Variants in HAP1 observed in about 807,000 individuals in gnomAD.
The protein encoded by HAP1 is huntingtin associated protein 1.
HAP1 carries 59 observed loss-of-function variants against 60.3 expected under a neutral mutation model. That is an observed-to-expected ratio of 0.98 (90% CI 0.79 to 1.22). The LOEUF is 1.22. Among genes scored for constraint, HAP1 ranks in the 50% most tolerant of loss-of-function variants. The pLI, the probability that HAP1 is intolerant of heterozygous loss-of-function variation, is 0.00. For synonymous variants in HAP1, 346 were observed against 330.6 expected, an observed-to-expected ratio of 1.05 and a Z score of -0.50; for missense variants, 825 against 785.3, an observed-to-expected ratio of 1.05 and a Z score of -0.60.
intron 6 of HAP1, among the ~76,000 whole-genome samples, chr17:41,729,588 G>GGT (rs1202196383): frequency 3.1e-5 from 4 of 127,066 alleles, no homozygotes; most frequent in Non-Finnish European, 7.0e-5. Flanking sequence ...AAGGAAATGC[G>GGT]GTCTTGGCCG....
chr17:41,731,939 C>T lies in HAP1; in HGVS notation c.894G>A (p.Lys298=). Residue 298 remains lysine (K), a splice_region_variant and synonymous_variant, in exon 4 of 11, where the codon AAG becomes AAA. Coordinates refer to ENST00000347901, the MANE Select transcript of HAP1 (RefSeq NM_177977.3). The part of the protein sequence containing the change: ...LQCAHPCDAP[K]LISQEALLHQ... The stretch of plus-strand genomic sequence containing the variant: ...CAGGTGCAAAGGCAGGAACTCACAG[C>T]TTAGGGGCATCACAGGGATGAGCAC... The T allele has an allele frequency of 1.1e-6, 1 of 890,924 alleles. No homozygotes were observed. The highest frequency in any genetic ancestry group is 1.8e-6 in the Non-Finnish European group (1 of 542,452). 55.2% of individuals were successfully genotyped at this position (890,924 alleles called of 1,614,324 possible).
chr17:41,733,881 G>A (rs1912471607), intron 1 of HAP1, among the ~76,000 whole-genome samples: 1 of 151,960 alleles, frequency 6.6e-6, no homozygotes, highest in South Asian at 2.1e-4. Context: ...ACCCAGGAGA[G>A]GGGCGCTGAA....
At chr17:41,725,239 G>T in intron 10 of HAP1, 85 bp from the exon 11 acceptor site, 1 of 1,102,526 alleles carries the variant, frequency 9.1e-7, no homozygotes, top group Non-Finnish European at 1.3e-6. Flanking sequence ...CACAGATCCT[G>T]ATGGTTCCTC....
intron 7 of HAP1, 58 bp from the exon 8 acceptor site, chr17:41,727,894 C>CAGA (rs1567781790): frequency 9.4e-7 from 1 of 1,061,974 alleles, no homozygotes; most frequent in Non-Finnish European, 1.4e-6. Context: ...CAGGGCACCC[C>CAGA]CTGCTTCCAG....
chr17:41,731,737 C>A lies in HAP1; in HGVS notation c.903G>T (p.Ser301=), dbSNP rs781896860. 2 of 1,612,076 alleles carry A rather than the reference C, an allele frequency of 1.2e-6. No homozygotes were observed. Among genetic ancestry groups the A allele is most frequent in the African/African-American group, 1.3e-5 (1 of 75,024 alleles). Residue 301 remains serine (S), a synonymous_variant, in exon 5 of 11, where the codon TCG becomes TCT. Coordinates refer to ENST00000347901, the MANE Select transcript of HAP1 (RefSeq NM_177977.3). ...AHPCDAPKLI[S]QEALLHQHHC... is the part of the protein sequence containing the mutation. ...GGTGCTGGTGCAGCAATGCCTCCTG[C>A]GAAATCCTAGGGGAGGGAGGAATGG...
chr17:41,734,570 G>GCTGCTGGGGAGCCGGCTC lies in HAP1; in HGVS notation c.64_65insGAGCCGGCTCCCCAGCAG (p.Ala21_Ala22insGlyAlaGlySerProAla), dbSNP rs1382811032. The stretch of plus-strand genomic sequence containing the variant: ...TGAGGGCGAAGGTGCACAGGTGAGT[G>GCTGCTGGGGAGCCGGCTC]CTGCTGGGTCCCCGGGTCCGAGCCG... On this transcript the variant is annotated inframe_insertion, in exon 1 of 11. Coordinates refer to ENST00000347901, the MANE Select transcript of HAP1 (RefSeq NM_177977.3). 6.3e-7 allele frequency: 1 copy of GCTGCTGGGGAGCCGGCTC among 1,599,790 alleles called. No individual in the cohort carries two copies. The highest frequency in any genetic ancestry group is 8.5e-7 in the Non-Finnish European group (1 of 1,174,278).
At chr17:41,727,611 T>C (rs1199289322) in intron 8 of HAP1, 151 bp downstream of exon 8, 8 of 655,186 alleles carry the variant, frequency 1.2e-5, no homozygotes, top group Non-Finnish European at 2.2e-5. Flanking sequence ...TGTCACCTGC[T>C]GGGCTGTGCC....
At chr17:41,727,000 C>A in intron 9 of HAP1, 53 bp downstream of exon 9, 1 of 900,024 alleles carries the variant, frequency 1.1e-6, no homozygotes, top group South Asian at 1.4e-5. Context: ...ACCCCCTCCC[C>A]ACTACAGGAA....
intron 1 of HAP1, among the ~76,000 whole-genome samples, chr17:41,733,296 C>A (rs551533680): frequency 2.8e-4 from 42 of 150,000 alleles, no homozygotes; most frequent in African/African-American, 9.0e-4. Context: ...GTGATCCGCC[C>A]GCCTCGGCCT....
At chr17:41,727,562 A>C (rs1240492180) in intron 8 of HAP1, 200 bp downstream of exon 8, 6 of 680,262 alleles carry the variant, frequency 8.8e-6, no homozygotes, top group Non-Finnish European at 1.6e-5. Flanking sequence ...GACCCAGGGC[A>C]GGTCCCTGCA....
chr17:41,728,394 C>G, intron 6 of HAP1, 63 bp from the exon 7 acceptor site: 1 of 1,515,826 alleles, frequency 6.6e-7, no homozygotes, highest in Non-Finnish European at 9.0e-7. Flanking sequence ...AGCTCTGGCC[C>G]TCCCAGATGC....
At chr17:41,732,889 C>T (rs1166481744) in intron 1 of HAP1, 91 bp from the exon 2 acceptor site, 2 of 792,384 alleles carry the variant, frequency 2.5e-6, no homozygotes, top group Non-Finnish European at 4.6e-6. Flanking sequence ...CCCGTCCTAT[C>T]GTCAGTTCTC....
chr17:41,732,668 C>T, intron 2 of HAP1, 51 bp downstream of exon 2: 1 of 1,469,140 alleles, frequency 6.8e-7, no homozygotes, highest in South Asian at 1.1e-5. Flanking sequence ...CCCACCCCTA[C>T]AGGACAAAAC....
At position 41,725,915 on chromosome 17, in the gene HAP1, C is replaced by T. The variant is rs1394395793; in HGVS notation, c.1368-18G>A. On this transcript the variant is annotated intron_variant, in intron 9 of 10. Transcript: ENST00000347901. ...CATAATTCCTTCAAAGAGAAAAGGA[C>T]CTTCATTATGAGACAATGGAAGCCG... 1.2e-5 allele frequency: 19 copies of T among 1,602,598 alleles called. No homozygotes were observed. The highest frequency in any genetic ancestry group is 1.3e-5 in the Non-Finnish European group (15 of 1,169,552).
chr17:41,719,821 CAATAA>C (rs1385614241), downstream of HAP1, among the ~76,000 whole-genome samples: 2 of 149,624 alleles, frequency 1.3e-5, no homozygotes, highest in African/African-American at 2.5e-5. Context: ...TAATGAGTAT[CAATAA>C]AATAAGTCCA....
chr17:41,725,983 G>T, intron 9 of HAP1, 86 bp from the exon 10 acceptor site: 1 of 1,022,314 alleles, frequency 9.8e-7, no homozygotes, highest in Non-Finnish European at 1.6e-6. Flanking sequence ...AGAACCTTAG[G>T]TAGTGGCCAT....
chr17:41,724,950 G>A lies in HAP1; in HGVS notation c.1611C>T (p.Thr537=), dbSNP rs782420756. 26 of 1,612,550 alleles carry A rather than the reference G, an allele frequency of 1.6e-5. No homozygotes were observed. The East Asian group carries it at 1.8e-4, about 11-fold the overall frequency. The change falls in exon 11 of 11, where the codon ACC becomes ACT. Residue 537 remains threonine, a synonymous_variant. Transcript: ENST00000347901. ...MEEAELVSEE[T]EGWEEVELEL... is the part of the protein sequence containing the mutation. ...CCAGTTCCACCTCCTCCCAGCCCTC[G>A]GTCTCCTCTGACACCAGCTCTGCCT...
Position 41,728,350 on chromosome 17 carries a change from A to C in HAP1, c.1070-19T>G, listed in dbSNP as rs782147700. On this transcript the variant is annotated intron_variant, in intron 6 of 10. Coordinates refer to ENST00000347901, the MANE Select transcript of HAP1 (RefSeq NM_177977.3). ...GCCTCCGCTGGGGAGGGCAGAGGAC[A>C]GGTCAGCCCTGGCTCCCCTGGCCTT... The C allele has an allele frequency of 4.4e-5, 71 of 1,611,680 alleles. No homozygotes were observed. The highest frequency in any genetic ancestry group is 5.8e-5 in the Non-Finnish European group (68 of 1,179,404).
chr17:41,717,903 T>C (rs1244460346), downstream of HAP1: 6 of 442,324 alleles, frequency 1.4e-5, no homozygotes, highest in Admixed American at 1.4e-4. Context: ...ATTGCTGGTG[T>C]CTCACTCCAT....
Sources: allele counts gnomAD v4.1 joint callset (sites outside exome capture counted in the v4.1 genomes callset), GRCh38; gene constraint gnomAD v4.1.1; transcripts MANE v1.5; gene names NCBI Gene and HGNC (gene_info 2026-07-23, HGNC 2026-07-21).